The following USH2A variants were observed in gnomAD, a reference collection of about 807,000 sequenced individuals.
The protein encoded by USH2A is usherin.
In USH2A, 443 loss-of-function variants were observed where a neutral mutation model predicts 538.9. That is an observed-to-expected ratio of 0.82 (90% CI 0.76 to 0.89). The LOEUF is 0.89. Among genes scored for constraint, USH2A ranks in the 40% least tolerant of loss-of-function variants. The pLI, the probability that USH2A is intolerant of heterozygous loss-of-function variation, is 0.00. For synonymous variants in USH2A, 2,413 were observed against 2,273.5 expected (o/e 1.06, Z -1.75); for missense variants, 6,633 against 6,324.8 (o/e 1.05, Z -1.65).
chr1:215,624,318 T>G lies in USH2A; in HGVS notation c.*1463A>C, dbSNP rs948901801. The G allele has an allele frequency of 1.5e-4, 23 of 152,158 alleles. No homozygotes were observed. Among genetic ancestry groups the G allele is most frequent in the African/African-American group, 4.3e-4 (18 of 41,432 alleles). The allele number at this position is 152,158 out of a possible 1,614,324, so 9.4% of individuals were successfully genotyped here. A position where few individuals can be genotyped will look rare whatever the true frequency, so the allele number is the denominator to read the frequency against. On this transcript the variant is annotated 3_prime_UTR_variant, in exon 72 of 72. Coordinates refer to ENST00000307340, the MANE Select transcript of USH2A (RefSeq NM_206933.4). ...CTCTCTCACAGAGCTAGATGAAATCTCAATACCCAAAAAGTCCACAATCTT... is the reference window on the plus strand; with the variant it reads ...CTCTCTCACAGAGCTAGATGAAATCGCAATACCCAAAAAGTCCACAATCTT...
At chr1:216,197,063 T>A (rs998367153) in intron 18 of USH2A, among the ~76,000 whole-genome samples, 1 of 152,000 alleles carries the variant, frequency 6.6e-6, no homozygotes, top group African/African-American at 2.4e-5. Flanking sequence ...ATAGAACATC[T>A]CAGTTCAAAA....
intron 66 of USH2A, among the ~76,000 whole-genome samples, chr1:215,648,043 GTTC>G (rs1338100572): frequency 2.6e-5 from 4 of 152,152 alleles, no homozygotes; most frequent in Non-Finnish European, 4.4e-5. Context: ...GACATAAATG[GTTC>G]TTCTCTTTTT....
chr1:216,345,007 G>A (rs560430201), intron 4 of USH2A, among the ~76,000 whole-genome samples: 1 of 151,848 alleles, frequency 6.6e-6, no homozygotes, highest in African/African-American at 2.4e-5. Context: ...TCCCAAAAGG[G>A]GGATGTTTGA....
In USH2A at chr1:216,070,167, C is replaced by G; in HGVS notation, c.5983G>C (p.Asp1995His). ...GGCATGCGGGGTGGACGGGTGCTGT[C>G]CTCACTATAGGCTTTCAGAATGTAC... The part of the protein sequence containing the change: ...EKYILKAYSE[D>H]STRPPRMPSA... Residue 1995 changes from aspartate (D) to histidine (H), a missense_variant, in exon 30 of 72, where the codon GAC (aspartate) becomes CAC (histidine). By Grantham distance (81) the Asp-to-His change is moderately conservative (BLOSUM62 -1). Coordinates refer to ENST00000307340, the MANE Select transcript of USH2A (RefSeq NM_206933.4). 1 of 1,613,970 alleles carries G rather than the reference C, an allele frequency of 6.2e-7. No homozygotes were observed.
intron 3 of USH2A, among the ~76,000 whole-genome samples, chr1:216,379,272 C>G (rs2038889947): frequency 6.6e-6 from 1 of 152,150 alleles, no homozygotes; most frequent in Non-Finnish European, 1.5e-5. Context: ...CTACATTTCT[C>G]TCCTGTGTGT....
chr1:216,332,117 C>T (rs1288433752), intron 4 of USH2A, among the ~76,000 whole-genome samples: 4 of 152,108 alleles, frequency 2.6e-5, no homozygotes, highest in Non-Finnish European at 5.9e-5. Context: ...AAACCAGCAG[C>T]CTAGTTACTG....
intron 19 of USH2A, among the ~76,000 whole-genome samples, chr1:216,191,016 G>A (rs1375122700): frequency 6.6e-6 from 1 of 151,900 alleles, no homozygotes; most frequent in Non-Finnish European, 1.5e-5. Flanking sequence ...GCAGATTTGA[G>A]CAAAGAAGAC....
chr1:215,833,203 T>C (rs980641547), intron 47 of USH2A, among the ~76,000 whole-genome samples: 2 of 151,900 alleles, frequency 1.3e-5, no homozygotes, highest in East Asian at 1.9e-4. Context: ...ATGACCTGTT[T>C]CTGAAATTTA....
At chr1:215,671,541 A>G (rs1490578352) in intron 63 of USH2A, among the ~76,000 whole-genome samples, 1 of 152,078 alleles carries the variant, frequency 6.6e-6, no homozygotes, top group African/African-American at 2.4e-5. Flanking sequence ...AAAAAATTAT[A>G]TTTCCATGGA....
At chr1:216,078,750 T>C (rs1302129868) in intron 26 of USH2A, among the ~76,000 whole-genome samples, 4 of 152,076 alleles carry the variant, frequency 2.6e-5, no homozygotes, top group Non-Finnish European at 4.4e-5. Context: ...AATGAGAAAA[T>C]ACTACTTCAT....
intron 21 of USH2A, among the ~76,000 whole-genome samples, chr1:216,115,076 C>A (rs1049571910): frequency 1.3e-5 from 2 of 151,840 alleles, no homozygotes; most frequent in African/African-American, 2.4e-5. Context: ...AAATTATCAA[C>A]CCCAAATTGC....
intron 32 of USH2A, among the ~76,000 whole-genome samples, chr1:216,037,766 A>G (rs2030056586): frequency 6.6e-6 from 1 of 150,894 alleles, no homozygotes; most frequent in Non-Finnish European, 1.5e-5. Flanking sequence ...TTTGGTGTAC[A>G]GATTATTTCA....
chr1:216,350,844 G>A (rs140417425), intron 4 of USH2A, among the ~76,000 whole-genome samples: 2 of 152,286 alleles, frequency 1.3e-5, no homozygotes, highest in East Asian at 1.9e-4. Context: ...TGTCCTAGAG[G>A]GGACTCAGTG....
chr1:215,790,507 C>T (rs751222588), intron 50 of USH2A, among the ~76,000 whole-genome samples: 3 of 152,180 alleles, frequency 2.0e-5, no homozygotes, highest in African/African-American at 7.2e-5. Flanking sequence ...AGGAAATGTT[C>T]GAAAATCATT....
intron 21 of USH2A, among the ~76,000 whole-genome samples, chr1:216,169,435 AG>A (rs1316287390): frequency 6.6e-6 from 1 of 152,118 alleles, no homozygotes; most frequent in Non-Finnish European, 1.5e-5. Flanking sequence ...CTTATGATGT[AG>A]TTGATGAATG....
intron 20 of USH2A, among the ~76,000 whole-genome samples, chr1:216,179,913 A>C (rs2034460398): frequency 6.6e-6 from 1 of 152,102 alleles, no homozygotes. Flanking sequence ...GATTTGGTAG[A>C]CTTTTAAAAA....
At chr1:216,388,389 G>T in intron 3 of USH2A, among the ~76,000 whole-genome samples, 1 of 152,076 alleles carries the variant, frequency 6.6e-6, no homozygotes, top group Non-Finnish European at 1.5e-5. Flanking sequence ...CATATGTTTT[G>T]GTGATGCTGC....
intron 55 of USH2A, among the ~76,000 whole-genome samples, chr1:215,773,082 C>T (rs944143669): frequency 5.3e-5 from 8 of 152,134 alleles, no homozygotes; most frequent in African/African-American, 1.9e-4. Context: ...TGGGAGTCCT[C>T]GGTAAGCCTT....
At chr1:216,338,035 G>T (rs909937946) in intron 4 of USH2A, among the ~76,000 whole-genome samples, 1 of 150,972 alleles carries the variant, frequency 6.6e-6, no homozygotes, top group Non-Finnish European at 1.5e-5. Flanking sequence ...TAAATAGAAT[G>T]ATATACTATG....
Sources: allele counts gnomAD v4.1 joint callset (sites outside exome capture counted in the v4.1 genomes callset), GRCh38; gene constraint gnomAD v4.1.1; transcripts MANE v1.5; gene names NCBI Gene and HGNC (gene_info 2026-07-23, HGNC 2026-07-21).